Variants in MED13L observed in about 807,000 individuals in gnomAD.
MED13L encodes mediator of RNA polymerase II transcription subunit 13-like.
MED13L carries 7 observed loss-of-function variants against 220.9 expected under a neutral mutation model. That is an observed-to-expected ratio of 0.03 (90% CI 0.02 to 0.06). The LOEUF is 0.06. Among genes scored for constraint, MED13L ranks in the 10% least tolerant of loss-of-function variants. The pLI is 1.00. For synonymous variants in MED13L, 1,011 were observed against 1,015.2 expected (o/e 1.00, Z 0.08); for missense variants, 1,965 against 2,760.5 (o/e 0.71, Z 6.46).
rs1872666832 is a variant in MED13L, at chr12:116,096,709, C to T, written c.439G>A (p.Val147Ile). The change falls in exon 4 of 31, where the codon GTC (valine) becomes ATC (isoleucine). Residue 147 changes from valine (V) to isoleucine (I), a missense_variant. Transcript: ENST00000281928. ...TTTTCATCCTTTTCGTAGGGTCGGA[C>T]AAACCATTTCCCAATCCTAACGAAG... The part of the protein sequence containing the change: ...KNFVRIGKWF[V>I]RPYEKDEKPV... 5 of 1,613,980 alleles carry T rather than the reference C, an allele frequency of 3.1e-6. No homozygotes were observed. The highest frequency in any genetic ancestry group is 4.2e-6 in the Non-Finnish European group (5 of 1,179,960).
intron 4 of MED13L, among the ~76,000 whole-genome samples, chr12:116,067,414 G>A (rs1029357749): frequency 6.6e-6 from 1 of 152,098 alleles, no homozygotes; most frequent in African/African-American, 2.4e-5. Context: ...TCTTCTCCCT[G>A]CACTTTAACA....
chr12:116,203,495 A>AT (rs1167906958), intron 2 of MED13L, among the ~76,000 whole-genome samples: 1 of 152,090 alleles, frequency 6.6e-6, no homozygotes, highest in East Asian at 1.9e-4. Context: ...GTGAAGACAT[A>AT]TAAGGAAAGA....
At chr12:115,961,618 C>T (rs559332527) in intron 30 of MED13L, 8 of 630,366 alleles carry the variant, frequency 1.3e-5, no homozygotes, top group South Asian at 7.3e-5. Flanking sequence ...CATTGAGCTC[C>T]GCCAGTGAGG....
At chr12:116,109,058 TCC>T (rs1323352333) in intron 3 of MED13L, among the ~76,000 whole-genome samples, 1 of 137,144 alleles carries the variant, frequency 7.3e-6, no homozygotes, top group Non-Finnish European at 1.5e-5. Flanking sequence ...ATAATTAATT[TCC>T]TTTTTTTTTT....
chr12:115,984,384 G>C lies in MED13L; in HGVS notation c.4339-12C>G, dbSNP rs749639969. On this transcript the variant is annotated splice_polypyrimidine_tract_variant and intron_variant, in intron 19 of 30. Coordinates refer to ENST00000281928, the MANE Select transcript of MED13L (RefSeq NM_015335.5). The stretch of plus-strand genomic sequence containing the variant: ...CCAAGCCTACACATCTGATATCATA[G>C]ACAAGATCATTAGTTATAACAGGAG... The C allele has an allele frequency of 6.2e-7, 1 of 1,613,584 alleles. No individual in the cohort carries two copies. The highest frequency in any genetic ancestry group is 2.2e-5 in the East Asian group (1 of 44,866).
intron 4 of MED13L, among the ~76,000 whole-genome samples, chr12:116,087,855 T>C (rs552180475): frequency 6.6e-6 from 1 of 152,328 alleles, no homozygotes; most frequent in African/African-American, 2.4e-5. Context: ...AGATCTTTTA[T>C]GTCTATACAT....
chr12:116,172,707 G>A lies in MED13L; in HGVS notation c.311-61195C>T, dbSNP rs1328590397. Among the ~76,000 whole-genome samples, 3 of 152,056 alleles carry A rather than the reference G, an allele frequency of 2.0e-5. No homozygotes were observed. In the East Asian group the frequency reaches 5.8e-4, roughly 29 times the overall value. On this transcript the variant is annotated intron_variant, in intron 2 of 30. Transcript: ENST00000281928. ...CACTTTGCATCTGCATGACTTATCT[G>A]TCAATTTGTGGGAATCGCGACAGAC...
chr12:116,027,856 C>G (rs1008403242), intron 4 of MED13L, among the ~76,000 whole-genome samples: 1 of 152,180 alleles, frequency 6.6e-6, no homozygotes, highest in East Asian at 1.9e-4. Flanking sequence ...ACAAATTCAA[C>G]AATGAGTTGT....
chr12:116,237,111 GA>G (rs1444300240), intron 2 of MED13L, among the ~76,000 whole-genome samples: 2 of 151,870 alleles, frequency 1.3e-5, no homozygotes, highest in Admixed American at 6.6e-5. Context: ...ACAGTCCAAG[GA>G]AAAAAACAGT....
chr12:115,984,434 G>C, intron 19 of MED13L, 62 bp from the exon 20 acceptor site: 1 of 1,557,554 alleles, frequency 6.4e-7, no homozygotes, highest in Admixed American at 1.7e-5. Flanking sequence ...AGTACCAATG[G>C]TTAGCAAGGG....
chr12:116,211,471 G>A (rs1330668730), intron 2 of MED13L, among the ~76,000 whole-genome samples: 1 of 151,844 alleles, frequency 6.6e-6, no homozygotes, highest in East Asian at 1.9e-4. Context: ...TTCTGCCTCA[G>A]AGGGGCCTGA....
At chr12:116,172,942 AAAAC>A (rs1214397651) in intron 2 of MED13L, among the ~76,000 whole-genome samples, 10 of 151,832 alleles carry the variant, frequency 6.6e-5, no homozygotes, top group African/African-American at 2.2e-4. Flanking sequence ...AAAAAAAAAA[AAAAC>A]AAGTACTATT....
intron 2 of MED13L, among the ~76,000 whole-genome samples, chr12:116,127,730 C>G (rs1875714069): frequency 6.6e-6 from 1 of 152,228 alleles, no homozygotes; most frequent in Non-Finnish European, 1.5e-5. Flanking sequence ...ACTAGTCTCC[C>G]TGCTTTCACT....
At chr12:116,225,063 T>C (rs1361717504) in intron 2 of MED13L, among the ~76,000 whole-genome samples, 3 of 152,226 alleles carry the variant, frequency 2.0e-5, no homozygotes, top group East Asian at 1.9e-4. Flanking sequence ...TTGATTGTTA[T>C]GACATAATAC....
At chr12:116,010,961 C>A (rs1226665928) in intron 9 of MED13L, among the ~76,000 whole-genome samples, 1 of 151,540 alleles carries the variant, frequency 6.6e-6, no homozygotes, top group Non-Finnish European at 1.5e-5. Flanking sequence ...ACTGCAACCT[C>A]CGCCTCCCGG....
chr12:116,104,027 T>TTTTTTTTG (rs1873333304), intron 3 of MED13L, among the ~76,000 whole-genome samples: 1 of 114,420 alleles, frequency 8.7e-6, no homozygotes, highest in Non-Finnish European at 1.7e-5. Context: ...TTTTTTTTTT[T>TTTTTTTTG]GAGACGGAGT....
At chr12:116,116,953 AACGAACTCTTTTTCTCCT>A (rs1410985133) in intron 2 of MED13L, among the ~76,000 whole-genome samples, 4 of 151,158 alleles carry the variant, frequency 2.6e-5, no homozygotes, top group Admixed American at 2.0e-4. Context: ...TCTAGGAAAA[AACGAACTCTTTTTCTCCT>A]ACTGTACTCT....
At chr12:116,018,216 G>T (rs1879846445) in intron 7 of MED13L, among the ~76,000 whole-genome samples, 1 of 152,004 alleles carries the variant, frequency 6.6e-6, no homozygotes, top group Admixed American at 6.6e-5. Flanking sequence ...AATTAAATAA[G>T]GTCACTCACC....
chr12:115,965,269 T>C lies in MED13L; in HGVS notation c.6387+813A>G, dbSNP rs140091175. Among the ~76,000 whole-genome samples, 996 of 152,380 alleles carry C rather than the reference T, an allele frequency of 6.5e-3. 24 individuals are homozygous for C. The highest frequency in any genetic ancestry group is 0.053 in the Admixed American group (809 of 15,302). ...GTTGTAGATGATTAATATTTCACTG[T>C]CTGGATGCACCACAGTTGATTCAAT... On this transcript the variant is annotated intron_variant, in intron 29 of 30. Coordinates refer to ENST00000281928, the MANE Select transcript of MED13L (RefSeq NM_015335.5).
Sources: gnomAD v4.1 joint callset for allele counts (sites outside exome capture counted in the v4.1 genomes callset) on GRCh38, gnomAD v4.1.1 for gene constraint, MANE v1.5 for transcripts, NCBI Gene and HGNC (gene_info 2026-07-23, HGNC 2026-07-21) for gene names.